Variants in GPHN observed in about 807,000 individuals in gnomAD.
The protein encoded by GPHN is gephyrin.
A neutral mutation model predicts 95.5 loss-of-function variants in GPHN; 17 were observed. The observed-to-expected ratio is 0.18, with a 90% CI of 0.12 to 0.27. GPHN has a LOEUF of 0.27. Ranked by LOEUF, GPHN falls within the 10% of genes least tolerant of loss-of-function variation. GPHN has a pLI of 1.00. For missense variants in GPHN, 660 were observed against 978.1 expected (o/e 0.67, Z 4.34); for synonymous variants, 320 against 322.5 (o/e 0.99, Z 0.08).
chr14:66,525,296 T>G (rs2058643463), intron 1 of GPHN, among the ~76,000 whole-genome samples: 2 of 152,226 alleles, frequency 1.3e-5, no homozygotes, highest in African/African-American at 2.4e-5. Flanking sequence ...AATGTCTTCT[T>G]TTGAGAAGTG....
the GPHN span, among the ~76,000 whole-genome samples, chr14:67,495,261 ATT>A: frequency 6.6e-6 from 1 of 151,880 alleles, no homozygotes; most frequent in African/African-American, 2.4e-5. Flanking sequence ...TCCTCTTCCA[ATT>A]TGGCCCTCCT....
chr14:67,009,426 C>G (rs2072831013), intron 9 of GPHN, among the ~76,000 whole-genome samples: 1 of 151,998 alleles, frequency 6.6e-6, no homozygotes, highest in Admixed American at 6.5e-5. Context: ...TTTTATGCAT[C>G]ATATAATGAC....
chr14:66,780,582 G>A (rs531347596), intron 3 of GPHN, among the ~76,000 whole-genome samples: 1 of 151,126 alleles, frequency 6.6e-6, no homozygotes, highest in Admixed American at 6.6e-5. Flanking sequence ...TATCCCTCAG[G>A]AGATTCCTTT....
chr14:66,802,505 C>T (rs2060394558), intron 3 of GPHN, among the ~76,000 whole-genome samples: 1 of 152,124 alleles, frequency 6.6e-6, no homozygotes, highest in African/African-American at 2.4e-5. Flanking sequence ...TTCACTTTTC[C>T]TTCTGCTTTT....
At chr14:67,222,999 C>CTTT in the GPHN span, among the ~76,000 whole-genome samples, 240 of 124,762 alleles carry the variant, frequency 1.9e-3, 5 homozygotes, top group African/African-American at 5.7e-3. Flanking sequence ...TCCCATTGGG[C>CTTT]TTTTTTTTTT....
At chr14:67,313,154 A>G in the GPHN span, among the ~76,000 whole-genome samples, 1 of 152,156 alleles carries the variant, frequency 6.6e-6, no homozygotes, top group Non-Finnish European at 1.5e-5. Flanking sequence ...GGATGCTCCA[A>G]ATTTTTTATT....
intron 2 of GPHN, among the ~76,000 whole-genome samples, chr14:66,748,597 G>A (rs1444698671): frequency 6.6e-6 from 1 of 151,916 alleles, no homozygotes; most frequent in Non-Finnish European, 1.5e-5. Context: ...GTGGACAAAT[G>A]TATTATGGCA....
the GPHN span, among the ~76,000 whole-genome samples, chr14:67,433,542 A>G: frequency 2.6e-5 from 4 of 152,204 alleles, no homozygotes; most frequent in Admixed American, 6.6e-5. Context: ...TGGAATATAA[A>G]GACAAATGAG....
At chr14:66,904,483 T>C (rs769364518) in intron 5 of GPHN, among the ~76,000 whole-genome samples, 19 of 152,282 alleles carry the variant, frequency 1.2e-4, no homozygotes, top group Non-Finnish European at 2.5e-4. Context: ...TAGCTAGCTG[T>C]AGAGCACTGA....
At chr14:66,971,471 G>A (rs918534952) in intron 9 of GPHN, among the ~76,000 whole-genome samples, 2 of 151,830 alleles carry the variant, frequency 1.3e-5, no homozygotes, top group Non-Finnish European at 1.5e-5. Flanking sequence ...TTAATATCTC[G>A]CTTAATAGAA....
At chr14:67,170,748 A>G (rs1215595520) in intron 21 of GPHN, among the ~76,000 whole-genome samples, 2 of 152,210 alleles carry the variant, frequency 1.3e-5, no homozygotes, top group African/African-American at 4.8e-5. Flanking sequence ...GGTCATCAGT[A>G]TGCTTGGCTA....
chr14:67,543,798 A>G, the GPHN span, among the ~76,000 whole-genome samples: 3 of 152,036 alleles, frequency 2.0e-5, no homozygotes, highest in Non-Finnish European at 1.5e-5. Flanking sequence ...AAAACCCACT[A>G]TGAATCACCT....
intron 5 of GPHN, among the ~76,000 whole-genome samples, chr14:66,896,625 C>G (rs1350041137): frequency 6.6e-6 from 1 of 151,904 alleles, no homozygotes; most frequent in African/African-American, 2.4e-5. Flanking sequence ...AAATTTAGTC[C>G]TATTTTCTAG....
At chr14:67,237,228 T>C in the GPHN span, among the ~76,000 whole-genome samples, 22 of 152,154 alleles carry the variant, frequency 1.4e-4, no homozygotes, top group African/African-American at 5.1e-4. Context: ...ATCATCTGGT[T>C]CATACAATTA....
chr14:67,383,455 G>T, the GPHN span: 2 of 1,611,948 alleles, frequency 1.2e-6, no homozygotes, highest in South Asian at 2.2e-5. Context: ...GTGGGAAACA[G>T]AGTCCAATTT....
chr14:67,576,014 G>C, the GPHN span: 1 of 1,602,722 alleles, frequency 6.2e-7, no homozygotes, highest in Non-Finnish European at 8.5e-7. The surrounding 1 kb of genome is among the most constrained non-coding windows in gnomAD (Gnocchi z 4.0). Context: ...AGGTAAGGAA[G>C]AGGGCTGGGC....
At chr14:66,696,996 T>C (rs2068143851) in intron 2 of GPHN, among the ~76,000 whole-genome samples, 1 of 152,232 alleles carries the variant, frequency 6.6e-6, no homozygotes, top group African/African-American at 2.4e-5. Flanking sequence ...TAATTTATTT[T>C]TGTCAATTTT....
chr14:67,589,226 C>G, the GPHN span: 1 of 412,100 alleles, frequency 2.4e-6, no homozygotes. Context: ...CAATCTATTT[C>G]CCCCACCCTC....
At chr14:66,885,460 G>A (rs767634893) in intron 5 of GPHN, among the ~76,000 whole-genome samples, 4 of 152,074 alleles carry the variant, frequency 2.6e-5, no homozygotes, top group Non-Finnish European at 5.9e-5. Context: ...AGGGTTTATA[G>A]GACAGCTTGT....
Sources: gnomAD v4.1 joint callset for allele counts (sites outside exome capture counted in the v4.1 genomes callset) on GRCh38, gnomAD v4.1.1 for gene constraint, Gnocchi (gnomAD v3.1) non-coding constraint, MANE v1.5 for transcripts, NCBI Gene and HGNC (gene_info 2026-07-23, HGNC 2026-07-21) for gene names.